TRHDE: variants seen among roughly 807,000 people sequenced by gnomAD.
TRHDE encodes the protein thyrotropin releasing hormone degrading enzyme, also known as thyrotropin-releasing hormone-degrading ectoenzyme.
A neutral mutation model predicts 125.7 loss-of-function variants in TRHDE; 72 were observed. That is an observed-to-expected ratio of 0.57 (90% CI 0.47 to 0.70). TRHDE has a LOEUF of 0.70. TRHDE is among the 30% of genes least tolerant of loss of function. The pLI is 0.00. For synonymous variants in TRHDE, 509 were observed against 509.1 expected, an observed-to-expected ratio of 1.00 and a Z score of 0.00; for missense variants, 1,110 against 1,327.1, an observed-to-expected ratio of 0.84 and a Z score of 2.54.
chr12:72,396,701 G>A (rs888190354), intron 3 of TRHDE, among the ~76,000 whole-genome samples: 10 of 152,074 alleles, frequency 6.6e-5, no homozygotes, highest in African/African-American at 1.4e-4. Flanking sequence ...CCGAGATTGC[G>A]CTGCTACACT....
rs1231297725 is a variant in TRHDE, at chr12:72,565,721, TA to T, written c.2042+2686del. On this transcript the variant is annotated intron_variant, in intron 9 of 18. Coordinates refer to ENST00000261180, the MANE Select transcript of TRHDE (RefSeq NM_013381.3). The stretch of plus-strand genomic sequence containing the variant: ...CTTCATTAATATTGATGCTATTTTA[TA>T]AAAAGATGTCTCATTCAGGTTTATA... Among the ~76,000 whole-genome samples, 3 of 152,292 alleles carry T rather than the reference TA, an allele frequency of 2.0e-5. No individual in the cohort carries two copies. In the East Asian group the frequency reaches 5.8e-4, roughly 29 times the overall value.
At position 72,315,631 on chromosome 12, in the gene TRHDE, G is replaced by A. The variant is rs185873655; in HGVS notation, c.1188+28677G>A. Among the ~76,000 whole-genome samples, 27 of 152,352 alleles carry A rather than the reference G, an allele frequency of 1.8e-4. 1 individual carries two copies. In the East Asian group the frequency reaches 5.2e-3, roughly 29 times the overall value. On this transcript the variant is annotated intron_variant, in intron 2 of 18. Coordinates refer to ENST00000261180, the MANE Select transcript of TRHDE (RefSeq NM_013381.3). The stretch of plus-strand genomic sequence containing the variant: ...AAATCAAGGCCTCTCAGAGGCATAT[G>A]GGCAGAGCTGCTGGAAAATGTGGTT...
chr12:72,480,801 T>C (rs554193971), intron 5 of TRHDE, among the ~76,000 whole-genome samples: 108 of 152,248 alleles, frequency 7.1e-4, no homozygotes, highest in African/African-American at 2.6e-3. Flanking sequence ...TAAAAAACTG[T>C]CAGACACCAC....
At chr12:72,123,578 T>G (rs947818188) in intron 2 of TRHDE, among the ~76,000 whole-genome samples, 2 of 152,124 alleles carry the variant, frequency 1.3e-5, no homozygotes, top group African/African-American at 2.4e-5. Flanking sequence ...TCCTTGAAAT[T>G]TATAAGATTC....
intron 12 of TRHDE, among the ~76,000 whole-genome samples, chr12:72,579,296 T>C (rs1871138861): frequency 6.6e-6 from 1 of 152,078 alleles, no homozygotes; most frequent in East Asian, 1.9e-4. Context: ...ATATATTTTT[T>C]AAACTTTTGA....
chr12:72,643,323 A>G (rs537799455), intron 15 of TRHDE, among the ~76,000 whole-genome samples: 83 of 152,320 alleles, frequency 5.4e-4, no homozygotes, highest in African/African-American at 1.9e-3. Flanking sequence ...ATGTAAATAT[A>G]TGTGTGTTTC....
At chr12:72,557,502 T>C (rs1869979399) in intron 7 of TRHDE, among the ~76,000 whole-genome samples, 2 of 152,248 alleles carry the variant, frequency 1.3e-5, no homozygotes, top group African/African-American at 4.8e-5. Context: ...CATCCCTTTA[T>C]GTCTCAAGGA....
chr12:72,451,239 A>G lies in TRHDE; in HGVS notation c.1316-18519A>G, dbSNP rs538480856. 1.3e-4 allele frequency among the ~76,000 whole-genome samples: 20 copies of G among 152,156 alleles called. 1 individual carries two copies. In the South Asian group the frequency reaches 3.3e-3, roughly 25 times the overall value. On this transcript the variant is annotated intron_variant, in intron 3 of 18. Transcript: ENST00000261180. ...GAGCTTTTCTCCTCTGTTTTCTTCT[A>G]GTGGTTTTATAGTTTCAGTTCTTAT... is the stretch of plus-strand genomic sequence containing the variant.
chr12:72,592,898 A>G (rs909314510), intron 12 of TRHDE, among the ~76,000 whole-genome samples: 2 of 151,948 alleles, frequency 1.3e-5, no homozygotes, highest in African/African-American at 2.4e-5. Flanking sequence ...TTTTTAGTAG[A>G]GACACGGTTT....
In TRHDE at chr12:72,652,371, C is replaced by T. The variant is rs772873950; in HGVS notation, c.2725C>T (p.Leu909=). The T allele has an allele frequency of 6.2e-7, 1 of 1,605,792 alleles. No individual in the cohort carries two copies. The highest frequency in any genetic ancestry group is 1.1e-5 in the South Asian group (1 of 90,318). ...DIVYCTGVSL[L]DEDVWEFIWM... ...CGTATACTGTACAGGAGTGTCACTA[C>T]TGGATGAGGATGTCTGGGAATTCAT... Residue 909 remains leucine, a synonymous_variant, in exon 16 of 19, where the codon CTG becomes TTG. Coordinates refer to ENST00000261180, the MANE Select transcript of TRHDE (RefSeq NM_013381.3).
chr12:72,146,276 T>C (rs985036005), intron 2 of TRHDE, among the ~76,000 whole-genome samples: 3 of 152,228 alleles, frequency 2.0e-5, no homozygotes, highest in Non-Finnish European at 4.4e-5. Context: ...TTCCTCACTC[T>C]TAGACTATAT....
intron 2 of TRHDE, among the ~76,000 whole-genome samples, chr12:72,330,162 G>A (rs1404575741): frequency 3.9e-5 from 6 of 152,028 alleles, no homozygotes; most frequent in African/African-American, 1.5e-4. Context: ...AATAAAATCG[G>A]TAACAGGCAG....
chr12:72,646,922 C>T (rs1218711710), intron 15 of TRHDE, among the ~76,000 whole-genome samples: 1 of 151,842 alleles, frequency 6.6e-6, no homozygotes, highest in Non-Finnish European at 1.5e-5. Flanking sequence ...AATATCCAGA[C>T]AGAAGATCAA....
At chr12:72,224,559 T>TGGGA (rs1231451470) in intron 2 of TRHDE, among the ~76,000 whole-genome samples, 3 of 152,094 alleles carry the variant, frequency 2.0e-5, no homozygotes, top group African/African-American at 7.2e-5. Context: ...GGGAGGGTTG[T>TGGGA]GGGAGAGATT....
intron 2 of TRHDE, among the ~76,000 whole-genome samples, chr12:72,172,441 G>T (rs1259495052): frequency 2.6e-5 from 4 of 152,112 alleles, no homozygotes; most frequent in Non-Finnish European, 5.9e-5. Context: ...TTTAACTCAG[G>T]TCTGCGTGTA....
At chr12:72,131,371 C>T (rs1411735060) in intron 2 of TRHDE, among the ~76,000 whole-genome samples, 1 of 152,000 alleles carries the variant, frequency 6.6e-6, no homozygotes, top group Non-Finnish European at 1.5e-5. Flanking sequence ...CGCGCCCGGC[C>T]TCTACTTAAT....
At chr12:72,159,346 G>A (rs1391191057) in intron 2 of TRHDE, among the ~76,000 whole-genome samples, 2 of 152,182 alleles carry the variant, frequency 1.3e-5, no homozygotes, top group African/African-American at 4.8e-5. Context: ...GGAAGATCAG[G>A]AAAGACTTCT....
chr12:72,363,002 G>A (rs1871174034), intron 2 of TRHDE, among the ~76,000 whole-genome samples: 1 of 152,024 alleles, frequency 6.6e-6, no homozygotes, highest in Non-Finnish European at 1.5e-5. Flanking sequence ...GTAGCATGAT[G>A]CCTCCAGCTT....
At chr12:72,391,075 AAAT>A (rs1202659111) in intron 3 of TRHDE, among the ~76,000 whole-genome samples, 7 of 152,292 alleles carry the variant, frequency 4.6e-5, no homozygotes, top group Non-Finnish European at 8.8e-5. Context: ...TTTTAATAAT[AAAT>A]AATTTTTTAT....
Sources: allele counts gnomAD v4.1 joint callset (sites outside exome capture counted in the v4.1 genomes callset), GRCh38; gene constraint gnomAD v4.1.1; transcripts MANE v1.5; gene names NCBI Gene and HGNC (gene_info 2026-07-23, HGNC 2026-07-21).